The following PPFIA2 variants were observed in gnomAD, a reference collection of about 807,000 sequenced individuals.
PPFIA2 encodes the protein liprin-alpha-2.
PPFIA2 carries 46 observed loss-of-function variants against 175.5 expected under a neutral mutation model. That is an observed-to-expected ratio of 0.26 (90% CI 0.21 to 0.34). PPFIA2 has a LOEUF of 0.34. Among genes scored for constraint, PPFIA2 ranks in the 10% least tolerant of loss-of-function variants. The probability of loss-of-function intolerance (pLI) is 1.00; values close to 1 mark genes in which losing one functional copy is unlikely to be tolerated. For synonymous variants in PPFIA2, 568 were observed against 511.4 expected, an observed-to-expected ratio of 1.11 and a Z score of -1.49; for missense variants, 1,179 against 1,506.1, an observed-to-expected ratio of 0.78 and a Z score of 3.60.
chr12:81,368,581 A>T, intron 13 of PPFIA2, 144 bp downstream of exon 13: 2 of 849,750 alleles, frequency 2.4e-6, no homozygotes, highest in Non-Finnish European at 1.7e-6. Flanking sequence ...AATAAAAAAT[A>T]TGCATTCCTT....
chr12:81,351,167 C>T (rs74103992), intron 17 of PPFIA2, among the ~76,000 whole-genome samples: 2,391 of 152,100 alleles, frequency 0.016, 65 homozygotes, highest in African/African-American at 0.055. Context: ...TAATGAAAAC[C>T]ATCTATTATT....
intron 15 of PPFIA2, among the ~76,000 whole-genome samples, chr12:81,361,017 C>T (rs914835533): frequency 2.6e-5 from 4 of 151,424 alleles, no homozygotes; most frequent in African/African-American, 7.3e-5. Flanking sequence ...TCTGTGAGTC[C>T]TAGGAATGTG....
Position 81,590,486 on chromosome 12 carries a change from A to G in PPFIA2, c.303+86305T>C, listed in dbSNP as rs536575891. 3.3e-5 allele frequency among the ~76,000 whole-genome samples: 5 copies of G among 151,508 alleles called. No homozygotes were observed. In the East Asian group the frequency reaches 7.8e-4, roughly 24 times the overall value. On this transcript the variant is annotated intron_variant, in intron 4 of 32. Coordinates refer to ENST00000549396, the MANE Select transcript of PPFIA2 (RefSeq NM_003625.5). ...TCTTTTTCTTTTTTATTTTCTTTCC[A>G]ATTTTATTTATCTATTTATTTATTT...
At chr12:81,426,962 T>C (rs919317617) in intron 7 of PPFIA2, among the ~76,000 whole-genome samples, 5 of 152,176 alleles carry the variant, frequency 3.3e-5, no homozygotes, top group African/African-American at 1.2e-4. Context: ...GATGCTTTAA[T>C]TAATCTTTTA....
chr12:81,304,462 C>G (rs79879020), intron 22 of PPFIA2, among the ~76,000 whole-genome samples: 1 of 152,024 alleles, frequency 6.6e-6, no homozygotes, highest in Non-Finnish European at 1.5e-5. Flanking sequence ...ATAAGTTGAG[C>G]CATTGATATG....
intron 3 of PPFIA2, among the ~76,000 whole-genome samples, chr12:81,712,880 C>A (rs2078125873): frequency 6.6e-6 from 1 of 150,922 alleles, no homozygotes; most frequent in South Asian, 2.1e-4. Context: ...ATATTTTCAA[C>A]CACATCTCCA....
chr12:81,432,568 C>T (rs540835926), intron 7 of PPFIA2, among the ~76,000 whole-genome samples: 1 of 150,766 alleles, frequency 6.6e-6, no homozygotes, highest in East Asian at 2.0e-4. Flanking sequence ...CGGGTTCAAG[C>T]GATTCTCCTG....
chr12:81,588,230 T>C (rs2075560774), intron 4 of PPFIA2, among the ~76,000 whole-genome samples: 1 of 152,034 alleles, frequency 6.6e-6, no homozygotes, highest in Non-Finnish European at 1.5e-5. Flanking sequence ...ATAAAGCTAA[T>C]ACACACATTT....
Position 81,717,652 on chromosome 12 carries a change from G to A in PPFIA2, c.249+36321C>T, listed in dbSNP as rs1466227044. The stretch of plus-strand genomic sequence containing the variant: ...TATAGTCATTCAAAATTACTTAATT[G>A]AGCACCAATATATGCCAGGCACTGT... On this transcript the variant is annotated intron_variant, in intron 3 of 32. Transcript: ENST00000549396. Among the ~76,000 whole-genome samples the A allele has an allele frequency of 3.3e-5, 5 of 151,582 alleles. No homozygotes were observed. In the Admixed American group the frequency reaches 3.3e-4, roughly 10 times the overall value.
intron 4 of PPFIA2, among the ~76,000 whole-genome samples, chr12:81,558,540 G>A (rs998210114): frequency 1.3e-5 from 2 of 152,108 alleles, no homozygotes; most frequent in African/African-American, 2.4e-5. Flanking sequence ...GATGGCCCTC[G>A]CACATTGGTG....
chr12:81,464,324 T>G (rs1424872594), intron 4 of PPFIA2, among the ~76,000 whole-genome samples: 1 of 152,174 alleles, frequency 6.6e-6, no homozygotes, highest in East Asian at 1.9e-4. Context: ...AGTGTTATTA[T>G]TCACAGAACA....
In PPFIA2 at chr12:81,284,239, A is replaced by ATGG; in HGVS notation, c.2988+1_2988+2insCCA. The ATGG allele has an allele frequency of 6.3e-7, 1 of 1,578,372 alleles. No homozygotes were observed. The highest frequency in any genetic ancestry group is 8.7e-7 in the Non-Finnish European group (1 of 1,151,238). ...AGGTTCAACAAAGCCATTAAGACTAACCGTTTTTGCTGGAGCTGCAAGATT... is the reference window on the plus strand; with the variant it reads ...AGGTTCAACAAAGCCATTAAGACTAATGGCCGTTTTTGCTGGAGCTGCAAGATT... On this transcript the variant is annotated splice_donor_variant, in intron 25 of 32. Transcript: ENST00000549396. LOFTEE classifies it high-confidence loss of function.
intron 4 of PPFIA2, among the ~76,000 whole-genome samples, chr12:81,500,777 G>A (rs919920732): frequency 2.8e-4 from 43 of 152,054 alleles, no homozygotes; most frequent in African/African-American, 8.7e-4. Flanking sequence ...ATCCTGACCC[G>A]CTATGTGACT....
chr12:81,367,307 A>G (rs2033777702), intron 13 of PPFIA2, 137 bp from the exon 14 acceptor site: 1 of 593,272 alleles, frequency 1.7e-6, no homozygotes, highest in Admixed American at 4.6e-5. Flanking sequence ...TTCCATGGAA[A>G]CCATGCTTTG....
chr12:81,640,795 ATAGT>A (rs1394515348), intron 4 of PPFIA2, among the ~76,000 whole-genome samples: 2 of 152,158 alleles, frequency 1.3e-5, no homozygotes, highest in Non-Finnish European at 2.9e-5. Context: ...CATTAAGTAC[ATAGT>A]TATTTATTTT....
At chr12:81,607,519 G>A (rs535791763) in intron 4 of PPFIA2, among the ~76,000 whole-genome samples, 2 of 152,066 alleles carry the variant, frequency 1.3e-5, no homozygotes, top group African/African-American at 4.8e-5. Flanking sequence ...TCAACTCTGT[G>A]GTTAGCTGAA....
intron 4 of PPFIA2, among the ~76,000 whole-genome samples, chr12:81,613,312 G>A (rs960479780): frequency 1.3e-5 from 2 of 152,060 alleles, no homozygotes; most frequent in African/African-American, 4.8e-5. Flanking sequence ...AGAGTTACCT[G>A]AGCAATTTGG....
At chr12:81,680,428 T>A (rs2073391188) in intron 3 of PPFIA2, among the ~76,000 whole-genome samples, 1 of 151,976 alleles carries the variant, frequency 6.6e-6, no homozygotes, top group African/African-American at 2.4e-5. Context: ...AACATATACA[T>A]AGGACTCCAA....
intron 4 of PPFIA2, among the ~76,000 whole-genome samples, chr12:81,578,602 T>C (rs2153424571): frequency 6.6e-6 from 1 of 151,996 alleles, no homozygotes; most frequent in Middle Eastern, 3.4e-3. Context: ...AGGCTAATAC[T>C]TAGTAGCTTA....
Sources: gnomAD v4.1 joint callset for allele counts (sites outside exome capture counted in the v4.1 genomes callset) on GRCh38, gnomAD v4.1.1 for gene constraint, MANE v1.5 for transcripts, NCBI Gene and HGNC (gene_info 2026-07-23, HGNC 2026-07-21) for gene names.